Variants in MCM10 observed in about 807,000 individuals in gnomAD.
MCM10 encodes the protein minichromosome maintenance 10 replication initiation factor.
In MCM10, 91 loss-of-function variants were observed where a neutral mutation model predicts 109.9. That is an observed-to-expected ratio of 0.83 (90% CI 0.70 to 0.99). The LOEUF (loss-of-function observed/expected upper bound fraction) is 0.99, where lower values mean the gene tolerates loss of function less well. Among genes scored for constraint, MCM10 ranks in the 50% least tolerant of loss-of-function variants. The pLI is 0.00. For synonymous variants in MCM10, 380 were observed against 387.2 expected (o/e 0.98, Z 0.22); for missense variants, 1,077 against 1,061.2 (o/e 1.01, Z -0.21).
chr10:13,166,652 AC>A (rs1404568299), intron 2 of MCM10, among the ~76,000 whole-genome samples: 21,217 of 90,024 alleles, frequency 0.24, 2,490 homozygotes, highest in Non-Finnish European at 0.28. Context: ...AAAAAAAAAT[AC>A]ATACATACAT....
chr10:13,195,658 T>A (rs958757691), intron 14 of MCM10: 1 of 153,172 alleles, frequency 6.5e-6, no homozygotes, highest in Non-Finnish European at 1.5e-5. Flanking sequence ...TCACCCAGAC[T>A]GGAGTGCAGT....
rs73577689 is a variant in MCM10 at position 13,199,680 on chromosome 10, A to T, written c.2238+873A>T. Among the ~76,000 whole-genome samples the T allele has an allele frequency of 4.5e-3, 683 of 152,358 alleles. 5 individuals are homozygous for T. The highest frequency in any genetic ancestry group is 0.015 in the African/African-American group (641 of 41,586). On this transcript the variant is annotated intron_variant, in intron 16 of 19. Transcript: ENST00000378714. ...ATGAAAAGATTTGTGATAAAGATAC[A>T]GATTTCATTATGGATTCATAAATGC...
rs766208227 is a variant in MCM10, at chr10:13,171,224, C to T, written c.310C>T (p.Pro104Ser). The T allele has an allele frequency of 6.8e-6, 11 of 1,613,506 alleles. No homozygotes were observed. Among genetic ancestry groups the T allele is most frequent in the East Asian group, 6.7e-5 (3 of 44,882 alleles). Residue 104 changes from proline to serine, a missense_variant, in exon 3 of 20, where the codon CCT becomes TCT. By Grantham distance (74) the Pro-to-Ser change is moderately conservative. Transcript: ENST00000378714. The part of the protein sequence containing the change: ...QSTENRVLPA[P>S]APRREKTNEE... ...AACTGAAAATAGGGTCCTCCCTGCT[C>T]CTGCCCCCAGGCGAGAGAAAACGAA...
chr10:13,180,603 A>AT lies in MCM10; in HGVS notation c.927dup (p.Ser310Ter), dbSNP rs766056226. Reference sequence around the variant, plus strand: ...AAGAAGGTTACGCCACAGAGTGTGAATAGTGTAAGCCATTGTATTGGTTTC... The same window carrying AT: ...AAGAAGGTTACGCCACAGAGTGTGAATTAGTGTAAGCCATTGTATTGGTTTC... On this transcript the variant is annotated frameshift_variant, in exon 7 of 20. Transcript: ENST00000378714. LOFTEE classifies it high-confidence loss of function. 3.7e-6 allele frequency: 6 copies of AT among 1,614,016 alleles called. No individual in the cohort carries two copies. The South Asian group carries it at 6.6e-5, about 18-fold the overall frequency.
intron 10 of MCM10, among the ~76,000 whole-genome samples, chr10:13,189,856 A>T (rs1834324442): frequency 6.6e-6 from 1 of 152,160 alleles, no homozygotes. Flanking sequence ...CAGAGTCACT[A>T]CAGCCCCTGA....
At chr10:13,186,103 C>G in intron 8 of MCM10, 61 bp from the exon 9 acceptor site, 2 of 902,180 alleles carry the variant, frequency 2.2e-6, no homozygotes, top group Non-Finnish European at 3.6e-6. Flanking sequence ...TTTTTCTATT[C>G]CTGCTAATAA....
intron 16 of MCM10, 91 bp from the exon 17 acceptor site, chr10:13,201,330 C>A: frequency 1.3e-6 from 1 of 786,670 alleles, no homozygotes; most frequent in Non-Finnish European, 2.1e-6. Flanking sequence ...TCAGCTGAGT[C>A]ATTTGAATAA....
At position 13,195,268 on chromosome 10, in the gene MCM10, A is replaced by G. The variant is rs772452690; in HGVS notation, c.1973A>G (p.Lys658Arg). The part of the protein sequence containing the change: ...PKLSALAEAK[K>R]LAAITKLRAK... ...CTGAGTGCTTTAGCAGAAGCCAAAA[A>G]GGTAACTGGCATCTCTTCTCTTTAG... is the stretch of plus-strand genomic sequence containing the variant. The change falls in exon 14 of 20, where the codon AAG (lysine) becomes AGG (arginine). Residue 658 changes from lysine (K) to arginine (R), a missense_variant and splice_region_variant. Coordinates refer to ENST00000378714, the MANE Select transcript of MCM10 (RefSeq NM_018518.5). 5 of 1,589,526 alleles carry G rather than the reference A, an allele frequency of 3.1e-6. No homozygotes were observed. Among genetic ancestry groups the G allele is most frequent in the Non-Finnish European group, 2.6e-6 (3 of 1,166,058 alleles).
At position 13,198,642 on chromosome 10, in the gene MCM10, T is replaced by C; in HGVS notation, c.2120-47T>C. On this transcript the variant is annotated intron_variant, in intron 15 of 19. Transcript: ENST00000378714. ...GTAGAGTTGATGAGGCGCACTGGCTTTCTGAAATTTCTTGGTCGCTGCTAA... is the reference window on the plus strand; with the variant it reads ...GTAGAGTTGATGAGGCGCACTGGCTCTCTGAAATTTCTTGGTCGCTGCTAA... 3.9e-6 allele frequency: 5 copies of C among 1,292,618 alleles called. No individual in the cohort carries two copies. The South Asian group carries it at 5.9e-5, about 15-fold the overall frequency. The allele number at this position is 1,292,618 out of a possible 1,614,324, so 80.1% of individuals were successfully genotyped here. A position where few individuals can be genotyped will look rare whatever the true frequency, so the allele number is the denominator to read the frequency against.
chr10:13,192,509 G>A lies in MCM10; in HGVS notation c.1686G>A (p.Lys562=). 1.9e-6 allele frequency: 3 copies of A among 1,614,184 alleles called. No homozygotes were observed. Among genetic ancestry groups the A allele is most frequent in the South Asian group, 2.2e-5 (2 of 91,088 alleles). The change falls in exon 13 of 20, where the codon AAG becomes AAA. Residue 562 remains lysine (K), a synonymous_variant. Transcript: ENST00000378714. ...CCATCTCGGCCTCAGCACTCTTGAAGCAACAGAAGCAGCGGATGTTGGAGA... is the reference window on the plus strand; with the variant it reads ...CCATCTCGGCCTCAGCACTCTTGAAACAACAGAAGCAGCGGATGTTGGAGA... ...IKSISASALL[K]QQKQRMLEMR...
In MCM10 at chr10:13,164,152, G is replaced by A; in HGVS notation, c.-51G>A. 1 of 1,530,274 alleles carries A rather than the reference G, an allele frequency of 6.5e-7. No homozygotes were observed. The highest frequency in any genetic ancestry group is 8.8e-7 in the Non-Finnish European group (1 of 1,136,372). The allele number at this position is 1,530,274 out of a possible 1,614,324, so 94.8% of individuals were successfully genotyped here. On this transcript the variant is annotated 5_prime_UTR_variant, in exon 2 of 20. Coordinates refer to ENST00000378714, the MANE Select transcript of MCM10 (RefSeq NM_018518.5). ...GCCAAGATTCTACATTGCTCATCTG[G>A]GCATCTGAGCCTCCTTCGAAGTTTC...
chr10:13,181,646 ACCTGCACAT>A (rs1834211252), intron 7 of MCM10, among the ~76,000 whole-genome samples: 1 of 152,142 alleles, frequency 6.6e-6, no homozygotes, highest in South Asian at 2.1e-4. Flanking sequence ...TATGTAACAA[ACCTGCACAT>A]CCTGCACATG....
chr10:13,209,152 A>G lies in MCM10; in HGVS notation c.2541+19A>G. 1 of 1,609,530 alleles carries G rather than the reference A, an allele frequency of 6.2e-7. No homozygotes were observed. Among genetic ancestry groups the G allele is most frequent in the Non-Finnish European group, 8.5e-7 (1 of 1,175,800 alleles). On this transcript the variant is annotated intron_variant, in intron 19 of 19. Transcript: ENST00000378714. The stretch of plus-strand genomic sequence containing the variant: ...GCTAAAGGTATGCCATTTGCGTACT[A>G]ATTTTTGACTCCTTTTAGTGACCCA...
intron 7 of MCM10, among the ~76,000 whole-genome samples, chr10:13,181,898 C>T (rs1045915222): frequency 6.6e-6 from 1 of 152,162 alleles, no homozygotes; most frequent in African/African-American, 2.4e-5. Flanking sequence ...AGCGTCCGGG[C>T]AGTAGATTCC....
rs78805332 is a variant in MCM10 at position 13,196,002 on chromosome 10, C to T, written c.1974+733C>T. ...CACTGCAGCCTCAACCTCCCAGGAT[C>T]GATTCATCCACCTGCCTCAGCCTCC... On this transcript the variant is annotated intron_variant, in intron 14 of 19. Transcript: ENST00000378714. Among the ~76,000 whole-genome samples, 501 of 152,196 alleles carry T rather than the reference C, an allele frequency of 3.3e-3. 2 individuals are homozygous for T. Among genetic ancestry groups the T allele is most frequent in the African/African-American group, 0.011 (471 of 41,534 alleles).
At position 13,180,619 on chromosome 10, in the gene MCM10, T is replaced by A; in HGVS notation, c.930+12T>A. The stretch of plus-strand genomic sequence containing the variant: ...AGAGTGTGAATAGTGTAAGCCATTG[T>A]ATTGGTTTCTTAGCTGTTTTACTAC... On this transcript the variant is annotated intron_variant, in intron 7 of 19. Transcript: ENST00000378714. The A allele has an allele frequency of 6.2e-7, 1 of 1,613,108 alleles. No homozygotes were observed.
intron 9 of MCM10, among the ~76,000 whole-genome samples, chr10:13,187,959 A>T (rs1010008497): frequency 6.6e-6 from 1 of 152,186 alleles, no homozygotes; most frequent in Non-Finnish European, 1.5e-5. Context: ...AGCCTGGCCA[A>T]CATGGTAAAA....
intron 6 of MCM10, 128 bp downstream of exon 6, chr10:13,175,809 AC>A (rs1834135271): frequency 3.1e-6 from 2 of 640,078 alleles, no homozygotes; most frequent in Non-Finnish European, 5.4e-6. Context: ...ACTGGACAAA[AC>A]ACCACTGGAA....
chr10:13,208,951 T>A (rs911813165), intron 18 of MCM10, 140 bp from the exon 19 acceptor site: 7 of 690,620 alleles, frequency 1.0e-5, no homozygotes, highest in African/African-American at 3.6e-5. Flanking sequence ...AACCTCAGAT[T>A]TGGCATACAA....
Sources: allele counts gnomAD v4.1 joint callset (sites outside exome capture counted in the v4.1 genomes callset), GRCh38; gene constraint gnomAD v4.1.1; transcripts MANE v1.5; gene names NCBI Gene and HGNC (gene_info 2026-07-23, HGNC 2026-07-21).